Variants in LYPLA1 observed in about 807,000 individuals in gnomAD.
The protein encoded by LYPLA1 is acyl-protein thioesterase 1.
A neutral mutation model predicts 34.0 loss-of-function variants in LYPLA1; 17 were observed. The ratio of observed to expected loss-of-function variants is 0.50; its 90% confidence interval spans 0.34 to 0.75. The LOEUF is 0.75. Among genes scored for constraint, LYPLA1 ranks in the 30% least tolerant of loss-of-function variants. The pLI, the probability that LYPLA1 is intolerant of heterozygous loss-of-function variation, is 0.01. For missense variants in LYPLA1, 203 were observed against 288.8 expected (o/e 0.70, Z 2.15); for synonymous variants, 98 against 100.8 (o/e 0.97, Z 0.17).
chr8:54,101,595 C>G, intron 1 of LYPLA1, 160 bp downstream of exon 1: 1 of 1,152,828 alleles, frequency 8.7e-7, no homozygotes. Context: ...CCCCCGCCCC[C>G]CGCGGACCCG....
intron 2 of LYPLA1, among the ~76,000 whole-genome samples, chr8:54,087,426 G>A (rs1808888176): frequency 6.6e-6 from 1 of 152,114 alleles, no homozygotes. Context: ...GGAACCCAGG[G>A]GAGGCAGAGA....
intron 3 of LYPLA1, among the ~76,000 whole-genome samples, chr8:54,064,201 G>A (rs565620655): frequency 8.4e-4 from 128 of 152,296 alleles, no homozygotes; most frequent in African/African-American, 2.5e-3. Flanking sequence ...GATCACCTGA[G>A]ATCAGGAGTT....
intron 2 of LYPLA1, among the ~76,000 whole-genome samples, chr8:54,070,143 G>A (rs528731914): frequency 6.6e-5 from 10 of 152,232 alleles, no homozygotes; most frequent in South Asian, 2.1e-4. Context: ...GGTCTATACC[G>A]AAGAATAGTG....
chr8:54,051,346 C>T (rs1360069901), intron 7 of LYPLA1, among the ~76,000 whole-genome samples, 158 bp from the exon 8 acceptor site: 1 of 152,170 alleles, frequency 6.6e-6, no homozygotes, highest in Non-Finnish European at 1.5e-5. Flanking sequence ...CTCACCACAT[C>T]CCTTTGACTT....
chr8:54,061,327 C>T (rs1265119122), intron 5 of LYPLA1, among the ~76,000 whole-genome samples: 1 of 151,834 alleles, frequency 6.6e-6, no homozygotes, highest in Non-Finnish European at 1.5e-5. Flanking sequence ...ATGATCTGCC[C>T]ACCTCGGCTT....
At chr8:54,083,995 C>T (rs909888541) in intron 2 of LYPLA1, among the ~76,000 whole-genome samples, 2 of 151,346 alleles carry the variant, frequency 1.3e-5, no homozygotes, top group South Asian at 2.1e-4. Flanking sequence ...AAAACTAGCC[C>T]GGTGTGGCAG....
chr8:54,082,507 C>T, intron 2 of LYPLA1, among the ~76,000 whole-genome samples: 1 of 151,896 alleles, frequency 6.6e-6, no homozygotes, highest in Non-Finnish European at 1.5e-5. Flanking sequence ...TTGGTAGAGA[C>T]AGGATCTCAC....
intron 8 of LYPLA1, 85 bp downstream of exon 8, chr8:54,050,927 C>T: frequency 7.4e-7 from 1 of 1,358,446 alleles, no homozygotes. Flanking sequence ...TTTAAATCCC[C>T]AAGCATTCAA....
In LYPLA1 at chr8:54,065,770, T is replaced by C. The variant is rs143346744; in HGVS notation, c.145A>G (p.Ile49Val). 192 of 1,613,786 alleles carry C rather than the reference T, an allele frequency of 1.2e-4. No individual in the cohort carries two copies. The highest frequency in any genetic ancestry group is 1.6e-4 in the Non-Finnish European group (184 of 1,179,874). Residue 49 changes from isoleucine to valine, a missense_variant, in exon 3 of 9, where the codon ATC (isoleucine) becomes GTC (valine). Physicochemically the swap from Ile to Val is conservative, Grantham distance 29. Coordinates refer to ENST00000316963, the MANE Select transcript of LYPLA1 (RefSeq NM_006330.4). ...EAFAGIRSSHIKYICPHAPVR... is the reference protein window; with the variant it reads ...EAFAGIRSSHVKYICPHAPVR... ...CACGCATGCGGGCAGATATATTTGATATGTGAACTTCTGATACCTGCAAAG... is the reference window on the plus strand; with the variant it reads ...CACGCATGCGGGCAGATATATTTGACATGTGAACTTCTGATACCTGCAAAG...
At chr8:54,073,633 G>C (rs913242398) in intron 2 of LYPLA1, 1 of 482,788 alleles carries the variant, frequency 2.1e-6, no homozygotes, top group African/African-American at 1.9e-5. Context: ...GACCAGTAAA[G>C]GCTGCTGCTA....
intron 2 of LYPLA1, among the ~76,000 whole-genome samples, chr8:54,074,385 C>T (rs1419786186): frequency 6.6e-6 from 1 of 152,222 alleles, no homozygotes; most frequent in Non-Finnish European, 1.5e-5. Flanking sequence ...ATTCTTCATA[C>T]GTGGTTCATT....
chr8:54,100,668 T>C (rs552222164), intron 2 of LYPLA1: 34 of 495,306 alleles, frequency 6.9e-5, no homozygotes, highest in Non-Finnish European at 1.0e-4. Flanking sequence ...AAGCAACTAA[T>C]GAGGAATTTG....
At chr8:54,060,989 T>C (rs1334327268) in intron 5 of LYPLA1, among the ~76,000 whole-genome samples, 1 of 150,096 alleles carries the variant, frequency 6.7e-6, no homozygotes, top group African/African-American at 2.5e-5. Flanking sequence ...GCCACCGCAC[T>C]TGACCACATT....
chr8:54,073,264 G>C, intron 2 of LYPLA1: 1 of 877,042 alleles, frequency 1.1e-6, no homozygotes, highest in Non-Finnish European at 2.0e-6. Context: ...TCTGAATGGG[G>C]GAACCTGCAT....
At chr8:54,055,018 G>C (rs1231197342) in intron 6 of LYPLA1, 42 bp downstream of exon 6, 1 of 1,164,236 alleles carries the variant, frequency 8.6e-7, no homozygotes. Context: ...TTCTAAATAA[G>C]TATACTGATG....
At chr8:54,098,925 T>C (rs1809897514) in intron 2 of LYPLA1, among the ~76,000 whole-genome samples, 1 of 150,262 alleles carries the variant, frequency 6.7e-6, no homozygotes, top group Non-Finnish European at 1.5e-5. Context: ...AGCCTTTCCT[T>C]AGCATTATCC....
intron 2 of LYPLA1, among the ~76,000 whole-genome samples, chr8:54,084,771 G>T (rs1808580757): frequency 1.3e-5 from 2 of 152,112 alleles, no homozygotes; most frequent in Admixed American, 6.6e-5. Flanking sequence ...ACAATTACAT[G>T]GTAATAAATT....
intron 2 of LYPLA1, chr8:54,073,457 T>C (rs995119279): frequency 1.7e-5 from 13 of 770,754 alleles, no homozygotes; most frequent in African/African-American, 1.5e-4. Flanking sequence ...CTGGCTGTGA[T>C]GGCCTTGTGA....
Position 54,047,871 on chromosome 8 carries a change from G to T in LYPLA1, c.*194C>A. 1 of 447,432 alleles carries T rather than the reference G, an allele frequency of 2.2e-6. No homozygotes were observed. Among genetic ancestry groups the T allele is most frequent in the Non-Finnish European group, 3.9e-6 (1 of 253,376 alleles). The allele number at this position is 447,432 out of a possible 1,614,324, so 27.7% of individuals were successfully genotyped here. A position where few individuals can be genotyped will look rare whatever the true frequency, so the allele number is the denominator to read the frequency against. ...TAGTAGATCCTGGGTCGTCTTATAA[G>T]AATACATGTATAGAAACTTAAAAGA... is the stretch of plus-strand genomic sequence containing the variant. On this transcript the variant is annotated 3_prime_UTR_variant, in exon 9 of 9. Coordinates refer to ENST00000316963, the MANE Select transcript of LYPLA1 (RefSeq NM_006330.4).
Sources: allele counts gnomAD v4.1 joint callset (sites outside exome capture counted in the v4.1 genomes callset), GRCh38; gene constraint gnomAD v4.1.1; transcripts MANE v1.5; gene names NCBI Gene and HGNC (gene_info 2026-07-23, HGNC 2026-07-21).